TNIP1: variants seen among roughly 807,000 people sequenced by gnomAD.
The protein encoded by TNIP1 is TNFAIP3 interacting protein 1.
TNIP1 carries 22 observed loss-of-function variants against 86.6 expected under a neutral mutation model. That is an observed-to-expected ratio of 0.25 (90% CI 0.18 to 0.36). The LOEUF (loss-of-function observed/expected upper bound fraction) is 0.36, where lower values mean the gene tolerates loss of function less well. Ranked by LOEUF, TNIP1 falls within the 10% of genes least tolerant of loss-of-function variation. The pLI, the probability that TNIP1 is intolerant of heterozygous loss-of-function variation, is 1.00. For missense variants in TNIP1, 709 were observed against 820.6 expected (o/e 0.86, Z 1.66); for synonymous variants, 294 against 313.0 (o/e 0.94, Z 0.64).
intron 8 of TNIP1, 56 bp downstream of exon 8, chr5:151,049,768 C>A: frequency 6.2e-7 from 1 of 1,604,226 alleles, no homozygotes. Flanking sequence ...AGGTGGTAAG[C>A]AGAGGCTGAG....
intron 6 of TNIP1, among the ~76,000 whole-genome samples, chr5:151,056,134 C>T (rs1454147219): frequency 6.6e-6 from 1 of 152,208 alleles, no homozygotes; most frequent in Non-Finnish European, 1.5e-5. Flanking sequence ...GGATAAGTGA[C>T]TTGTCCAAGG....
rs569445670 is a variant in TNIP1, at chr5:151,057,601, C to A, written c.436-644G>T. Among the ~76,000 whole-genome samples the A allele has an allele frequency of 1.1e-4, 17 of 152,276 alleles. No homozygotes were observed. In the South Asian group the frequency reaches 3.1e-3, roughly 28 times the overall value. On this transcript the variant is annotated intron_variant, in intron 5 of 17. Transcript: ENST00000521591. ...GCATGGTGGCACGTGCCTGTAATCC[C>A]AGCTACTTGGGAGGCTGAGGCAGGA...
chr5:151,043,685 G>A (rs1758751612), intron 9 of TNIP1, among the ~76,000 whole-genome samples: 1 of 151,960 alleles, frequency 6.6e-6, no homozygotes, highest in Non-Finnish European at 1.5e-5. Flanking sequence ...TGAGATGGGA[G>A]GATCACCTGA....
upstream of TNIP1, among the ~76,000 whole-genome samples, chr5:151,082,195 C>A (rs1440324978): frequency 6.6e-6 from 1 of 152,168 alleles, no homozygotes; most frequent in Non-Finnish European, 1.5e-5. Flanking sequence ...AAATTATATA[C>A]CTAATCTGGG....
Position 151,059,852 on chromosome 5 carries a change from TGTGTGTGTGTGTGTGCGCGCGCGC to T in TNIP1, c.435+442_435+465del, listed in dbSNP as rs1480999177. Among the ~76,000 whole-genome samples, 62 of 101,924 alleles carry T rather than the reference TGTGTGTGTGTGTGTGCGCGCGCGC, an allele frequency of 6.1e-4. 1 individual carries two copies. In the East Asian group the frequency reaches 8.0e-3, roughly 13 times the overall value. 66.9% of individuals were successfully genotyped at this position (101,924 alleles called of 152,430 possible). ...GAGTGTGTGTGTGTGTGTGTGTGTG[TGTGTGTGTGTGTGTGCGCGCGCGC>T]GCGCGCATGCGTGTAAGTGGAAAGT... On this transcript the variant is annotated intron_variant, in intron 5 of 17. Transcript: ENST00000521591.
chr5:151,083,539 C>T (rs1035019423), upstream of TNIP1, among the ~76,000 whole-genome samples: 8 of 152,226 alleles, frequency 5.3e-5, no homozygotes, highest in East Asian at 1.9e-4. Context: ...CTGGGCCTGA[C>T]GCTGGGAGCT....
intron 1 of TNIP1, among the ~76,000 whole-genome samples, chr5:151,067,727 T>C (rs936624361): frequency 1.3e-5 from 2 of 152,044 alleles, no homozygotes; most frequent in Non-Finnish European, 2.9e-5. Flanking sequence ...AGGGCCTCGG[T>C]AAACCTTGAA....
intron 1 of TNIP1, among the ~76,000 whole-genome samples, chr5:151,069,387 A>G (rs1176670057): frequency 1.3e-5 from 2 of 152,182 alleles, no homozygotes; most frequent in African/African-American, 4.8e-5. Context: ...AAAATACTTC[A>G]TAGTGTCCCA....
intron 9 of TNIP1, among the ~76,000 whole-genome samples, chr5:151,045,510 C>T (rs746761659): frequency 1.3e-5 from 2 of 152,222 alleles, no homozygotes; most frequent in Non-Finnish European, 2.9e-5. Flanking sequence ...CTCAAGGGTC[C>T]CTCCACTCCT....
chr5:151,084,703 T>C (rs1764215035), upstream of TNIP1, among the ~76,000 whole-genome samples: 2 of 152,154 alleles, frequency 1.3e-5, no homozygotes, highest in African/African-American at 4.8e-5. Context: ...ATCAGGGCCT[T>C]GGCTAGGGGA....
intron 1 of TNIP1, among the ~76,000 whole-genome samples, chr5:151,086,692 A>C (rs75829252): frequency 0.011 from 1,603 of 152,290 alleles, 36 homozygotes; most frequent in African/African-American, 0.037. Flanking sequence ...ACACACACAA[A>C]CACCCACATC....
At chr5:151,034,930 GCATC>G in intron 15 of TNIP1, 68 bp downstream of exon 15, 1 of 1,548,458 alleles carries the variant, frequency 6.5e-7, no homozygotes, top group Non-Finnish European at 8.9e-7. Context: ...CACACACTGT[GCATC>G]CATCAGGCTA....
intron 15 of TNIP1, among the ~76,000 whole-genome samples, chr5:151,034,041 G>C (rs1197475095): frequency 6.6e-6 from 1 of 152,140 alleles, no homozygotes; most frequent in Non-Finnish European, 1.5e-5. Flanking sequence ...ATGCATGGAA[G>C]GTTGTGACAT....
At chr5:151,083,639 C>CTTTGT (rs994926222), upstream of TNIP1, among the ~76,000 whole-genome samples, 4 of 152,184 alleles carry the variant, frequency 2.6e-5, no homozygotes, top group South Asian at 2.1e-4. Context: ...ATCAAACTGC[C>CTTTGT]TTTGTTTTGT....
chr5:151,032,609 G>C, intron 16 of TNIP1: 1 of 571,584 alleles, frequency 1.7e-6, no homozygotes. Context: ...TTTGAATCCA[G>C]GTCTTTGTAA....
In TNIP1 at chr5:151,062,131, G is replaced by A. The variant is rs745582199; in HGVS notation, c.353C>T (p.Ser118Phe). 4 of 1,614,032 alleles carry A rather than the reference G, an allele frequency of 2.5e-6. No individual in the cohort carries two copies. In the African/African-American group the frequency reaches 4.0e-5, roughly 16 times the overall value. ...ATGACTCCAAATAAAACTTACACTGGATGGAGGCTTCTGGACTGGTGCTGG... is the reference window on the plus strand; with the variant it reads ...ATGACTCCAAATAAAACTTACACTGAATGGAGGCTTCTGGACTGGTGCTGG... ...DKPAPVQKPP[S>F]SGTSSEFEVV... The change falls in exon 4 of 18, where the codon TCC becomes TTC. Residue 118 changes from serine (S) to phenylalanine (F), a missense_variant. Coordinates refer to ENST00000521591, the MANE Select transcript of TNIP1 (RefSeq NM_006058.5).
At chr5:151,053,565 C>G (rs890387220) in intron 6 of TNIP1, among the ~76,000 whole-genome samples, 1 of 152,106 alleles carries the variant, frequency 6.6e-6, no homozygotes, top group South Asian at 2.1e-4. Context: ...GAAGAGGGGT[C>G]GCCAGACTCA....
intron 1 of TNIP1, among the ~76,000 whole-genome samples, chr5:151,066,933 T>G (rs1473935923): frequency 6.6e-6 from 1 of 152,156 alleles, no homozygotes; most frequent in Admixed American, 6.5e-5. Context: ...CCCTGCAGCA[T>G]AAGAACCAAT....
intron 5 of TNIP1, 54 bp from the exon 6 acceptor site, chr5:151,057,011 C>A: frequency 1.5e-6 from 2 of 1,350,944 alleles, no homozygotes; most frequent in Non-Finnish European, 1.9e-6. Context: ...GAGTAGGCGC[C>A]GCCAGTCCAT....
Sources: gnomAD v4.1 joint callset for allele counts (sites outside exome capture counted in the v4.1 genomes callset) on GRCh38, gnomAD v4.1.1 for gene constraint, MANE v1.5 for transcripts, NCBI Gene and HGNC (gene_info 2026-07-23, HGNC 2026-07-21) for gene names.